The following PPP2R5E variants were observed in gnomAD, a reference collection of about 807,000 sequenced individuals.
PPP2R5E encodes the protein serine/threonine-protein phosphatase 2A 56 kDa regulatory subunit epsilon isoform.
PPP2R5E carries 4 observed loss-of-function variants against 65.3 expected under a neutral mutation model. That is an observed-to-expected ratio of 0.06 (90% confidence interval 0.03 to 0.14). PPP2R5E has a LOEUF of 0.14. Ranked by LOEUF, PPP2R5E falls within the 10% of genes least tolerant of loss-of-function variation. The pLI is 1.00. For missense variants in PPP2R5E, 274 were observed against 556.1 expected, an observed-to-expected ratio of 0.49 and a Z score of 5.10; for synonymous variants, 183 against 187.4, an observed-to-expected ratio of 0.98 and a Z score of 0.19.
intron 2 of PPP2R5E, among the ~76,000 whole-genome samples, chr14:63,459,031 C>A (rs375786551): frequency 6.6e-6 from 1 of 152,186 alleles, no homozygotes; most frequent in African/African-American, 2.4e-5. Context: ...TCCATGTATA[C>A]TCTGTCCTTC....
chr14:63,461,224 A>C (rs1435175436), intron 2 of PPP2R5E, among the ~76,000 whole-genome samples: 1 of 152,218 alleles, frequency 6.6e-6, no homozygotes, highest in Non-Finnish European at 1.5e-5. Context: ...GAATATGAGG[A>C]ATTCCTAGAG....
chr14:63,406,552 G>A (rs963187306), intron 5 of PPP2R5E, among the ~76,000 whole-genome samples: 3 of 152,208 alleles, frequency 2.0e-5, no homozygotes, highest in African/African-American at 7.2e-5. Context: ...GTTACTGGGA[G>A]CGGATTGGCA....
chr14:63,467,129 G>C (rs1330059384), intron 2 of PPP2R5E, among the ~76,000 whole-genome samples: 2 of 151,648 alleles, frequency 1.3e-5, no homozygotes, highest in African/African-American at 4.9e-5. Flanking sequence ...GGGAGGCTGA[G>C]GCAGGAGAAT....
intron 3 of PPP2R5E, among the ~76,000 whole-genome samples, chr14:63,430,369 A>ACATACATACATACATACATG (rs1887581648): frequency 7.4e-6 from 1 of 135,036 alleles, no homozygotes; most frequent in African/African-American, 3.1e-5. Context: ...ATACATACAT[A>ACATACATACATACATACATG]CATGCATGCA....
At chr14:63,377,024 T>C (rs917963870) in intron 13 of PPP2R5E, among the ~76,000 whole-genome samples, 1 of 152,022 alleles carries the variant, frequency 6.6e-6, no homozygotes, top group African/African-American at 2.4e-5. Context: ...TCCCAGCTAC[T>C]TGGGAGGCTG....
chr14:63,520,897 G>C (rs1402355069), intron 2 of PPP2R5E, among the ~76,000 whole-genome samples: 2 of 148,794 alleles, frequency 1.3e-5, no homozygotes, highest in Non-Finnish European at 3.0e-5. Flanking sequence ...CAATTAGCCG[G>C]GCATGGTAGC....
chr14:63,435,794 G>A (rs965301322), intron 3 of PPP2R5E, among the ~76,000 whole-genome samples: 2 of 152,114 alleles, frequency 1.3e-5, no homozygotes, highest in Non-Finnish European at 2.9e-5. Flanking sequence ...TGCTGAAATG[G>A]TGACAGCAAT....
intron 5 of PPP2R5E, among the ~76,000 whole-genome samples, chr14:63,396,918 AC>A (rs573673371): frequency 3.2e-4 from 49 of 152,340 alleles, no homozygotes; most frequent in African/African-American, 1.2e-3. Context: ...AAATACAAAT[AC>A]AAAATAACAA....
chr14:63,424,767 A>G (rs562999105), intron 3 of PPP2R5E, among the ~76,000 whole-genome samples: 1 of 151,476 alleles, frequency 6.6e-6, no homozygotes, highest in East Asian at 1.9e-4. Context: ...AAAAAAAAAG[A>G]CAGAAAGGGT....
At chr14:63,482,406 C>A (rs1890753608) in intron 2 of PPP2R5E, among the ~76,000 whole-genome samples, 1 of 152,152 alleles carries the variant, frequency 6.6e-6, no homozygotes, top group African/African-American at 2.4e-5. Context: ...TTGCAGTGAG[C>A]CAAGATCGCA....
Position 63,373,047 on chromosome 14 carries a change from G to A in PPP2R5E, c.*2962C>T, listed in dbSNP as rs1417311611. ...TGGGGATACTTCACAATGAGAAACA[G>A]GAATGCATGCTTGATTCAAAGTATG... On this transcript the variant is annotated 3_prime_UTR_variant, in exon 14 of 14. Coordinates refer to ENST00000337537, the MANE Select transcript of PPP2R5E (RefSeq NM_006246.5). 6.6e-6 allele frequency: 1 copy of A among 152,050 alleles called. No individual in the cohort carries two copies. The highest frequency in any genetic ancestry group is 1.9e-4 in the East Asian group (1 of 5,198). The allele number at this position is 152,050 out of a possible 1,614,324, so 9.4% of individuals were successfully genotyped here.
At chr14:63,430,345 G>A (rs1887569693) in intron 3 of PPP2R5E, among the ~76,000 whole-genome samples, 2 of 137,128 alleles carry the variant, frequency 1.5e-5, no homozygotes, top group African/African-American at 6.5e-5. Context: ...GAAAACCCAT[G>A]TATACATACA....
At chr14:63,503,726 A>G (rs1892019491) in intron 2 of PPP2R5E, among the ~76,000 whole-genome samples, 1 of 152,218 alleles carries the variant, frequency 6.6e-6, no homozygotes, top group Non-Finnish European at 1.5e-5. Context: ...GAAAATCATT[A>G]ATAACCTGTC....
intron 8 of PPP2R5E, among the ~76,000 whole-genome samples, chr14:63,392,519 C>A (rs534235551): frequency 1.3e-5 from 2 of 152,184 alleles, no homozygotes; most frequent in African/African-American, 2.4e-5. Context: ...GTTGTACCTG[C>A]CAGTCAGAAC....
At chr14:63,534,715 G>A (rs1476554568) in intron 2 of PPP2R5E, among the ~76,000 whole-genome samples, 1 of 152,156 alleles carries the variant, frequency 6.6e-6, no homozygotes, top group Non-Finnish European at 1.5e-5. Context: ...AGCCTCCTGG[G>A]CTCGGGCAAT....
intron 3 of PPP2R5E, among the ~76,000 whole-genome samples, chr14:63,447,381 T>C (rs956805463): frequency 1.3e-5 from 2 of 152,258 alleles, no homozygotes; most frequent in Non-Finnish European, 2.9e-5. Context: ...TGCACTTTTA[T>C]GTTAGAGAGA....
At chr14:63,449,902 G>A (rs59971754) in intron 3 of PPP2R5E, among the ~76,000 whole-genome samples, 1,656 of 114,720 alleles carry the variant, frequency 0.014, 36 homozygotes, top group African/African-American at 0.057. Flanking sequence ...TTGAGATGAA[G>A]TCTTGTTCTG....
At chr14:63,422,960 T>A (rs1381719308) in intron 3 of PPP2R5E, among the ~76,000 whole-genome samples, 1 of 152,224 alleles carries the variant, frequency 6.6e-6, no homozygotes, top group African/African-American at 2.4e-5. Flanking sequence ...AAACTAGGCA[T>A]TCCTTAACTA....
chr14:63,523,952 T>G (rs548450677), intron 2 of PPP2R5E, among the ~76,000 whole-genome samples: 13 of 152,314 alleles, frequency 8.5e-5, no homozygotes, highest in African/African-American at 2.9e-4. Context: ...AGCCTGAACC[T>G]ACTCTGAATT....
Sources: allele counts gnomAD v4.1 joint callset (sites outside exome capture counted in the v4.1 genomes callset), GRCh38; gene constraint gnomAD v4.1.1; transcripts MANE v1.5; gene names NCBI Gene and HGNC (gene_info 2026-07-23, HGNC 2026-07-21).